KCNN2: variants seen among roughly 807,000 people sequenced by gnomAD.
The protein encoded by KCNN2 is small conductance calcium-activated potassium channel protein 2.
In KCNN2, 24 loss-of-function variants were observed where a neutral mutation model predicts 55.5. That is an observed-to-expected ratio of 0.43 (90% CI 0.31 to 0.61). The LOEUF (loss-of-function observed/expected upper bound fraction) is 0.61, where lower values mean the gene tolerates loss of function less well. KCNN2 is among the 20% of genes least tolerant of loss of function. The probability of loss-of-function intolerance (pLI) is 0.08; values close to 1 mark genes in which losing one functional copy is unlikely to be tolerated. For missense variants in KCNN2, 754 were observed against 853.6 expected, an observed-to-expected ratio of 0.88 and a Z score of 1.45; for synonymous variants, 431 against 336.1, an observed-to-expected ratio of 1.28 and a Z score of -3.09.
intron 2 of KCNN2, among the ~76,000 whole-genome samples, chr5:114,386,826 A>G (rs764204544): frequency 6.6e-6 from 1 of 152,136 alleles, no homozygotes; most frequent in Admixed American, 6.5e-5. Context: ...TTCAGTCTCT[A>G]TTTACTATCC....
chr5:114,369,481 T>C (rs939563572), intron 2 of KCNN2, among the ~76,000 whole-genome samples: 1 of 152,194 alleles, frequency 6.6e-6, no homozygotes, highest in Non-Finnish European at 1.5e-5. Context: ...AGTTTTCTGC[T>C]ATGGTAGTTT....
intron 2 of KCNN2, among the ~76,000 whole-genome samples, chr5:114,336,477 A>G (rs77761938): frequency 0.023 from 3,456 of 152,298 alleles, 51 homozygotes; most frequent in Non-Finnish European, 0.035. Flanking sequence ...TTATTCATTC[A>G]TTCATTTCTA....
chr5:114,378,454 AGT>A (rs1758008260), intron 2 of KCNN2, among the ~76,000 whole-genome samples: 1 of 152,178 alleles, frequency 6.6e-6, no homozygotes, highest in South Asian at 2.1e-4. Flanking sequence ...TACTAAGGAA[AGT>A]GTGTGGTGGG....
At chr5:114,301,312 A>G (rs1428030706) in intron 2 of KCNN2, among the ~76,000 whole-genome samples, 1 of 152,202 alleles carries the variant, frequency 6.6e-6, no homozygotes, top group Non-Finnish European at 1.5e-5. Flanking sequence ...TGAGGATTAA[A>G]TAAAGAAAAT....
intron 2 of KCNN2, among the ~76,000 whole-genome samples, chr5:114,324,881 T>G (rs938677495): frequency 6.6e-6 from 1 of 152,156 alleles, no homozygotes; most frequent in African/African-American, 2.4e-5. Context: ...TAGTGAGGAC[T>G]CAGAAGTAAG....
At chr5:114,337,249 G>T (rs1448038980) in intron 2 of KCNN2, among the ~76,000 whole-genome samples, 1 of 152,052 alleles carries the variant, frequency 6.6e-6, no homozygotes, top group Non-Finnish European at 1.5e-5. Flanking sequence ...AGGTAAGTGG[G>T]GGTTATAAAT....
chr5:114,093,411 G>A (rs185257770), intron 1 of KCNN2, among the ~76,000 whole-genome samples: 1 of 152,246 alleles, frequency 6.6e-6, no homozygotes, highest in East Asian at 1.9e-4. Context: ...CCTCCAAACT[G>A]TTCCAGCCTC....
At chr5:114,097,990 T>G (rs1751297537) in intron 1 of KCNN2, among the ~76,000 whole-genome samples, 1 of 152,208 alleles carries the variant, frequency 6.6e-6, no homozygotes. Flanking sequence ...AAATGAATTT[T>G]GCATGGCCGA....
intron 2 of KCNN2, among the ~76,000 whole-genome samples, chr5:114,290,498 A>G (rs964871642): frequency 6.6e-6 from 1 of 151,968 alleles, no homozygotes; most frequent in Non-Finnish European, 1.5e-5. Context: ...TTCTTAGTCT[A>G]GCTAAAGCTT....
At chr5:114,161,315 T>C (rs934776806) in intron 1 of KCNN2, among the ~76,000 whole-genome samples, 3 of 149,658 alleles carry the variant, frequency 2.0e-5, no homozygotes, top group African/African-American at 7.4e-5. Context: ...TCTTTAAGAA[T>C]GTTGAATATT....
At position 114,298,343 on chromosome 5, in the gene KCNN2, G is replaced by A. The variant is rs192554414; in HGVS notation, c.-184-62602G>A. Among the ~76,000 whole-genome samples, 8 of 152,320 alleles carry A rather than the reference G, an allele frequency of 5.3e-5. No homozygotes were observed. The East Asian group carries it at 1.5e-3, about 29-fold the overall frequency. ...CCCTGCTCCGTAGATGCCACAGATA[G>A]TGTGAAGAACCACCAGGTCATTCAG... On this transcript the variant is annotated intron_variant, in intron 2 of 10. Transcript: ENST00000512097.
At chr5:114,453,324 C>G (rs560059999) in intron 3 of KCNN2, among the ~76,000 whole-genome samples, 6 of 152,290 alleles carry the variant, frequency 3.9e-5, no homozygotes, top group Admixed American at 1.3e-4. Flanking sequence ...CATTGCCTAC[C>G]TCTTTTCCTC....
At chr5:114,338,143 TA>T (rs1258938040) in intron 2 of KCNN2, among the ~76,000 whole-genome samples, 1 of 152,216 alleles carries the variant, frequency 6.6e-6, no homozygotes, top group Non-Finnish European at 1.5e-5. Flanking sequence ...ATCTATATTT[TA>T]AGTCATGCTT....
At chr5:114,185,748 C>A (rs1008274672) in intron 1 of KCNN2, among the ~76,000 whole-genome samples, 1 of 152,120 alleles carries the variant, frequency 6.6e-6, no homozygotes, top group Non-Finnish European at 1.5e-5. Context: ...TTTTATCTGC[C>A]AACAAAATTT....
chr5:114,202,955 C>A (rs1007710256), intron 1 of KCNN2, among the ~76,000 whole-genome samples: 1 of 152,040 alleles, frequency 6.6e-6, no homozygotes, highest in Non-Finnish European at 1.5e-5. Context: ...CATTATTTAC[C>A]TTTCTTATTT....
intron 3 of KCNN2, among the ~76,000 whole-genome samples, chr5:114,419,105 T>C (rs578054767): frequency 2.6e-5 from 4 of 152,366 alleles, no homozygotes; most frequent in African/African-American, 9.6e-5. Context: ...TTATTGATAA[T>C]GTTTTGAAGG....
intron 1 of KCNN2, among the ~76,000 whole-genome samples, chr5:114,184,053 T>C (rs1010752529): frequency 2.2e-4 from 34 of 152,310 alleles, no homozygotes; most frequent in Middle Eastern, 3.4e-3. Flanking sequence ...TTTAGTCCAG[T>C]GTTCTTTGCA....
chr5:114,367,333 C>A (rs750487422), intron 2 of KCNN2, among the ~76,000 whole-genome samples: 2 of 152,112 alleles, frequency 1.3e-5, no homozygotes, highest in African/African-American at 2.4e-5. Flanking sequence ...TACCTCACTA[C>A]CAAAAATGAA....
chr5:114,466,367 G>A (rs1761452452), intron 4 of KCNN2, among the ~76,000 whole-genome samples: 1 of 152,076 alleles, frequency 6.6e-6, no homozygotes, highest in Non-Finnish European at 1.5e-5. Context: ...TTAGATCACA[G>A]TGTCTATCAG....
Sources: allele counts gnomAD v4.1 joint callset (sites outside exome capture counted in the v4.1 genomes callset), GRCh38; gene constraint gnomAD v4.1.1; transcripts MANE v1.5; gene names NCBI Gene and HGNC (gene_info 2026-07-23, HGNC 2026-07-21).